Variants in GRM1 observed in about 807,000 individuals in gnomAD.
The protein encoded by GRM1 is glutamate metabotropic receptor 1, also known as metabotropic glutamate receptor 1.
In GRM1, 33 loss-of-function variants were observed where a neutral mutation model predicts 90.9. The observed-to-expected ratio is 0.36, with a 90% CI of 0.28 to 0.49. The LOEUF (loss-of-function observed/expected upper bound fraction) is 0.49. Among genes scored for constraint, GRM1 ranks in the 20% least tolerant of loss-of-function variants. The pLI is 0.99. For missense variants in GRM1, 1,190 were observed against 1,534.3 expected (o/e 0.78, Z 3.75); for synonymous variants, 700 against 613.2 (o/e 1.14, Z -2.09).
At chr6:146,298,995 A>T (rs1312924178) in intron 2 of GRM1, among the ~76,000 whole-genome samples, 1 of 152,218 alleles carries the variant, frequency 6.6e-6, no homozygotes, top group African/African-American at 2.4e-5. Context: ...TTTCATGGCA[A>T]TGGGTAATGT....
intron 7 of GRM1, among the ~76,000 whole-genome samples, chr6:146,404,245 A>C (rs760829951): frequency 6.6e-6 from 1 of 152,144 alleles, no homozygotes; most frequent in Non-Finnish European, 1.5e-5. Context: ...TTTCTCATTC[A>C]TTCATTTATG....
intron 1 of GRM1, among the ~76,000 whole-genome samples, chr6:146,037,470 G>A (rs1790932009): frequency 6.6e-6 from 1 of 151,906 alleles, no homozygotes; most frequent in Non-Finnish European, 1.5e-5. Context: ...ACTTTCTCAA[G>A]CCAAAGTTTT....
At chr6:146,287,928 C>T (rs777011341) in intron 2 of GRM1, among the ~76,000 whole-genome samples, 1 of 152,190 alleles carries the variant, frequency 6.6e-6, no homozygotes, top group Non-Finnish European at 1.5e-5. Context: ...ACCTCCAGAA[C>T]TGTAAGATAA....
Position 146,304,659 on chromosome 6 carries a change from A to G in GRM1, c.999A>G (p.Glu333=). The G allele has an allele frequency of 6.2e-7, 1 of 1,613,984 alleles. No homozygotes were observed. Among genetic ancestry groups the G allele is most frequent in the Non-Finnish European group, 8.5e-7 (1 of 1,179,962 alleles). The part of the protein sequence containing the change: ...RDEVIEGYEV[E]ANGGITIKLQ... Reference sequence around the variant, plus strand: ...AAGTCATTGAAGGTTATGAGGTGGAAGCCAACGGGGGAATCACGATAAAGC... The same window carrying G: ...AAGTCATTGAAGGTTATGAGGTGGAGGCCAACGGGGGAATCACGATAAAGC... Residue 333 remains glutamate, a synonymous_variant, in exon 3 of 8, where the codon GAA becomes GAG. Coordinates refer to ENST00000282753, the MANE Select transcript of GRM1 (RefSeq NM_001278064.2).
Position 146,159,329 on chromosome 6 carries a change from G to A in GRM1, c.701-19G>A. The A allele has an allele frequency of 6.2e-7, 1 of 1,614,002 alleles. No homozygotes were observed. Among genetic ancestry groups the A allele is most frequent in the Non-Finnish European group, 8.5e-7 (1 of 1,179,856 alleles). The stretch of plus-strand genomic sequence containing the variant: ...ATTGCCACAGTTGTCTTGAACATCT[G>A]CTGATTGTTTCTGGACAGGGAATTA... On this transcript the variant is annotated intron_variant, in intron 1 of 7. Transcript: ENST00000282753.
intron 1 of GRM1, among the ~76,000 whole-genome samples, chr6:146,089,927 T>C (rs1776662310): frequency 6.6e-6 from 1 of 152,118 alleles, no homozygotes; most frequent in African/African-American, 2.4e-5. Context: ...TTCTGCAAAT[T>C]GCTTTTTAAA....
At chr6:146,252,335 T>C (rs1453200158) in intron 2 of GRM1, among the ~76,000 whole-genome samples, 1 of 152,178 alleles carries the variant, frequency 6.6e-6, no homozygotes, top group Non-Finnish European at 1.5e-5. Flanking sequence ...ACATCAAAAC[T>C]AGGGTTTTAA....
chr6:146,307,253 AT>A (rs1783610670), intron 3 of GRM1, among the ~76,000 whole-genome samples: 1 of 152,208 alleles, frequency 6.6e-6, no homozygotes, highest in South Asian at 2.1e-4. Context: ...AGCTTCTTAT[AT>A]GATTACAATC....
At chr6:146,275,147 T>A (rs1782307516) in intron 2 of GRM1, among the ~76,000 whole-genome samples, 1 of 152,002 alleles carries the variant, frequency 6.6e-6, no homozygotes, top group Non-Finnish European at 1.5e-5. Flanking sequence ...AAGTGGATGC[T>A]TATTTCAAAA....
At chr6:146,237,305 A>G (rs1780683915) in intron 2 of GRM1, among the ~76,000 whole-genome samples, 1 of 152,068 alleles carries the variant, frequency 6.6e-6, no homozygotes, top group Non-Finnish European at 1.5e-5. Flanking sequence ...TTCCCAAGGA[A>G]TCTCTCATGC....
intron 3 of GRM1, among the ~76,000 whole-genome samples, chr6:146,314,321 C>T (rs983931316): frequency 6.6e-6 from 1 of 151,936 alleles, no homozygotes; most frequent in African/African-American, 2.4e-5. Flanking sequence ...AGTAATCCAC[C>T]TGCCTTGGCC....
intron 2 of GRM1, among the ~76,000 whole-genome samples, chr6:146,181,500 A>G (rs1328758981): frequency 6.6e-6 from 1 of 152,202 alleles, no homozygotes; most frequent in Non-Finnish European, 1.5e-5. Context: ...ATTGTATTGA[A>G]TATAAGTTCA....
chr6:146,083,042 A>G lies in GRM1; in HGVS notation c.700+52825A>G, dbSNP rs568711306. 5.3e-4 allele frequency among the ~76,000 whole-genome samples: 80 copies of G among 152,006 alleles called. 3 individuals carry two copies. In the South Asian group the frequency reaches 0.014, roughly 27 times the overall value. ...TCATGATTTGGCTCTCTGCTTGTGT[A>G]TTGTTGGTGTATACAAATGCTTGTG... On this transcript the variant is annotated intron_variant, in intron 1 of 7. Coordinates refer to ENST00000282753, the MANE Select transcript of GRM1 (RefSeq NM_001278064.2).
intron 1 of GRM1, among the ~76,000 whole-genome samples, chr6:146,036,992 T>A (rs1790914741): frequency 1.3e-5 from 2 of 151,896 alleles, no homozygotes; most frequent in Admixed American, 1.3e-4. Context: ...GGCTCATGGG[T>A]TAAAAAGAAA....
At chr6:146,352,803 G>A (rs1785454449) in intron 4 of GRM1, among the ~76,000 whole-genome samples, 2 of 152,196 alleles carry the variant, frequency 1.3e-5, no homozygotes, top group Admixed American at 1.3e-4. Context: ...GGAACCTAAA[G>A]AAATTACACT....
intron 1 of GRM1, among the ~76,000 whole-genome samples, chr6:146,035,906 T>C (rs1317305862): frequency 2.0e-5 from 3 of 151,986 alleles, no homozygotes; most frequent in African/African-American, 7.2e-5. Context: ...AATGACACTT[T>C]CATTATTTTG....
chr6:146,417,968 C>G (rs1302295376), intron 7 of GRM1, among the ~76,000 whole-genome samples: 1 of 151,926 alleles, frequency 6.6e-6, no homozygotes, highest in Non-Finnish European at 1.5e-5. Flanking sequence ...TTTTTTTCCT[C>G]CTAATTTTGA....
At chr6:146,427,457 C>T (rs2114678522) in intron 7 of GRM1, among the ~76,000 whole-genome samples, 1 of 152,126 alleles carries the variant, frequency 6.6e-6, no homozygotes. Context: ...GGAGGGAGCC[C>T]ACTGATGAGG....
rs574602456 is a variant in GRM1 at position 146,202,990 on chromosome 6, G to T, written c.950+43393G>T. ...GCGGGCGGATCACGAGGTCAGGAGA[G>T]AGAGACAATCCTGGCTAACACGGTG... On this transcript the variant is annotated intron_variant, in intron 2 of 7. Transcript: ENST00000282753. 2.1e-3 allele frequency among the ~76,000 whole-genome samples: 315 copies of T among 151,980 alleles called. 8 individuals carry two copies. In the South Asian group the frequency reaches 0.046, roughly 22 times the overall value.
Sources: allele counts gnomAD v4.1 joint callset (sites outside exome capture counted in the v4.1 genomes callset), GRCh38; gene constraint gnomAD v4.1.1; transcripts MANE v1.5; gene names NCBI Gene and HGNC (gene_info 2026-07-23, HGNC 2026-07-21).